Variants in MRPS6 observed in about 807,000 individuals in gnomAD.
MRPS6 encodes the protein mitochondrial ribosomal protein S6.
Under a neutral mutation model 13.1 loss-of-function variants are expected in MRPS6, and 6 were observed. The ratio of observed to expected loss-of-function variants is 0.46; its 90% CI spans 0.25 to 0.91. The LOEUF (loss-of-function observed/expected upper bound fraction) is 0.91. MRPS6 is among the 40% of genes least tolerant of loss of function. The pLI, the probability that MRPS6 is intolerant of heterozygous loss-of-function variation, is 0.18. For synonymous variants in MRPS6, 61 were observed against 56.5 expected, an observed-to-expected ratio of 1.08 and a Z score of -0.36; for missense variants, 164 against 155.6, an observed-to-expected ratio of 1.05 and a Z score of -0.29.
intron 1 of MRPS6, among the ~76,000 whole-genome samples, chr21:34,076,330 TA>T (rs1989330186): frequency 6.6e-6 from 1 of 152,166 alleles, no homozygotes; most frequent in Non-Finnish European, 1.5e-5. Context: ...TGCAAAGTTT[TA>T]AAATTTAAAA....
chr21:34,116,555 T>C (rs1979919336), intron 1 of MRPS6, among the ~76,000 whole-genome samples: 1 of 151,910 alleles, frequency 6.6e-6, no homozygotes, highest in African/African-American at 2.4e-5. Flanking sequence ...CTAAGTCTGG[T>C]ACATGGGTAT....
chr21:34,094,632 T>C (rs2148658952), intron 1 of MRPS6, among the ~76,000 whole-genome samples: 1 of 152,326 alleles, frequency 6.6e-6, no homozygotes, highest in South Asian at 2.1e-4. Context: ...AGTTATGAGG[T>C]AGATGAATTT....
intron 2 of MRPS6, among the ~76,000 whole-genome samples, chr21:34,133,208 A>T (rs1404750100): frequency 6.6e-6 from 1 of 152,224 alleles, no homozygotes. Context: ...AAGTTCAGAA[A>T]TATGAGGTTT....
intron 1 of MRPS6, chr21:34,103,978 T>G: frequency 1.0e-6 from 1 of 1,000,174 alleles, no homozygotes; most frequent in Non-Finnish European, 1.2e-6. Flanking sequence ...TTGGGGTTTT[T>G]TGTAAAAAAT....
intron 1 of MRPS6, among the ~76,000 whole-genome samples, chr21:34,079,675 A>G (rs905427522): frequency 4.5e-5 from 6 of 132,812 alleles, no homozygotes; most frequent in Non-Finnish European, 9.1e-5. Flanking sequence ...GATGGTCTCA[A>G]TCTGACCTCG....
intron 2 of MRPS6, among the ~76,000 whole-genome samples, chr21:34,130,512 A>G (rs1448751904): frequency 2.0e-5 from 3 of 152,048 alleles, no homozygotes; most frequent in African/African-American, 7.2e-5. Context: ...GTTTTCCAGT[A>G]TTGGGGCACA....
At chr21:34,126,300 G>A (rs1367619771) in intron 2 of MRPS6, among the ~76,000 whole-genome samples, 2 of 152,182 alleles carry the variant, frequency 1.3e-5, no homozygotes, top group East Asian at 1.9e-4. Context: ...TGTGCTCTGC[G>A]ACGAGAATGC....
At chr21:34,086,230 G>T (rs1978369102) in intron 1 of MRPS6, among the ~76,000 whole-genome samples, 1 of 152,036 alleles carries the variant, frequency 6.6e-6, no homozygotes, top group South Asian at 2.1e-4. Flanking sequence ...GTTTTGTTTT[G>T]TAAGAGCACT....
chr21:34,102,030 A>G, intron 1 of MRPS6: 1 of 1,000,180 alleles, frequency 1.0e-6, no homozygotes, highest in Non-Finnish European at 1.2e-6. Flanking sequence ...TTTGTACTGG[A>G]ACGTATGAGG....
intron 1 of MRPS6, chr21:34,125,103 A>G: frequency 1.7e-5 from 9 of 540,522 alleles, no homozygotes; most frequent in Non-Finnish European, 2.6e-5. Context: ...TGGTCCCTGA[A>G]CTCTCCGAAG....
intron 1 of MRPS6, among the ~76,000 whole-genome samples, chr21:34,081,220 A>G (rs369446914): frequency 6.6e-6 from 1 of 152,100 alleles, no homozygotes; most frequent in South Asian, 2.1e-4. Flanking sequence ...GAAATTGTAG[A>G]TAATGCCATC....
intron 1 of MRPS6, chr21:34,102,954 C>T: frequency 1.0e-6 from 1 of 999,856 alleles, no homozygotes; most frequent in Non-Finnish European, 1.2e-6. Context: ...CACCCTGTTT[C>T]CTAGTGCTGC....
Position 34,073,646 on chromosome 21 carries a change from C to T in MRPS6, c.-55C>T. 1 of 1,485,932 alleles carries T rather than the reference C, an allele frequency of 6.7e-7. No individual in the cohort carries two copies. Among genetic ancestry groups the T allele is most frequent in the Non-Finnish European group, 9.1e-7 (1 of 1,099,054 alleles). The allele number at this position is 1,485,932 out of a possible 1,614,324, so 92.0% of individuals were successfully genotyped here. On this transcript the variant is annotated 5_prime_UTR_variant, in exon 1 of 3. Coordinates refer to ENST00000399312, the MANE Select transcript of MRPS6 (RefSeq NM_032476.4). ...CCCCACTGTCCCCGCCGTCCCGCCC[C>T]TTCGCGTCCCGGGAACCGGCTGGCT... is the stretch of plus-strand genomic sequence containing the variant.
At chr21:34,112,433 AC>A (rs1288510727) in intron 1 of MRPS6, among the ~76,000 whole-genome samples, 2 of 152,214 alleles carry the variant, frequency 1.3e-5, no homozygotes, top group African/African-American at 4.8e-5. Flanking sequence ...TTTCAAAAAA[AC>A]AGTTTGAGAT....
At chr21:34,131,115 C>T (rs16991270) in intron 2 of MRPS6, among the ~76,000 whole-genome samples, 3,683 of 152,254 alleles carry the variant, frequency 0.024, 160 homozygotes, top group African/African-American at 0.083. Flanking sequence ...GATTCAATCA[C>T]CAAGAGTAGA....
chr21:34,078,817 G>C (rs190885121), intron 1 of MRPS6, among the ~76,000 whole-genome samples: 1 of 152,216 alleles, frequency 6.6e-6, no homozygotes, highest in Non-Finnish European at 1.5e-5. Context: ...AAAAGTTGTT[G>C]CAATTTGATT....
At chr21:34,095,711 GCTGA>G in intron 1 of MRPS6, 1 of 1,613,568 alleles carries the variant, frequency 6.2e-7, no homozygotes, top group Admixed American at 1.7e-5. Flanking sequence ...TGACTGCTTT[GCTGA>G]CTGTCACCGG....
At chr21:34,101,076 C>T (rs1602936416) in intron 1 of MRPS6, 1 of 999,970 alleles carries the variant, frequency 1.0e-6, no homozygotes, top group African/African-American at 1.7e-5. Context: ...AAGACCTTTC[C>T]TGTTAAATTA....
chr21:34,082,620 G>A (rs774207499), intron 1 of MRPS6, among the ~76,000 whole-genome samples: 6 of 152,110 alleles, frequency 3.9e-5, no homozygotes, highest in Non-Finnish European at 7.3e-5. Flanking sequence ...AAAAATTCAG[G>A]TGCTCTCTTG....
Sources: allele counts gnomAD v4.1 joint callset (sites outside exome capture counted in the v4.1 genomes callset), GRCh38; gene constraint gnomAD v4.1.1; transcripts MANE v1.5; gene names NCBI Gene and HGNC (gene_info 2026-07-23, HGNC 2026-07-21).